Variants in CTNND2 observed in about 807,000 individuals in gnomAD.
The protein encoded by CTNND2 is catenin delta-2.
Under a neutral mutation model 144.4 loss-of-function variants are expected in CTNND2, and 22 were observed. The ratio of observed to expected loss-of-function variants is 0.15; its 90% CI spans 0.11 to 0.22. The LOEUF (loss-of-function observed/expected upper bound fraction) is 0.22. Ranked by LOEUF, CTNND2 falls within the 10% of genes least tolerant of loss-of-function variation. CTNND2 has a pLI of 1.00. For missense variants in CTNND2, 1,353 were observed against 1,618.8 expected (o/e 0.84, Z 2.82); for synonymous variants, 751 against 695.6 (o/e 1.08, Z -1.25).
intron 16 of CTNND2, among the ~76,000 whole-genome samples, chr5:11,024,149 G>A (rs982639150): frequency 1.3e-5 from 2 of 152,226 alleles, no homozygotes; most frequent in African/African-American, 4.8e-5. Context: ...GGAACCTTGT[G>A]GGAGTAGGCG....
chr5:11,704,201 C>T (rs900470239), intron 2 of CTNND2, among the ~76,000 whole-genome samples: 37 of 152,208 alleles, frequency 2.4e-4, no homozygotes, highest in African/African-American at 8.7e-4. Context: ...CTTGTTCCGG[C>T]CTGACCTCGG....
intron 12 of CTNND2, among the ~76,000 whole-genome samples, chr5:11,118,708 C>T (rs771000438): frequency 2.6e-5 from 4 of 152,280 alleles, no homozygotes; most frequent in African/African-American, 4.8e-5. Context: ...TAAGCCTGGA[C>T]GGAGTCTGGA....
chr5:11,038,592 G>T (rs1301023341), intron 16 of CTNND2, among the ~76,000 whole-genome samples: 1 of 152,136 alleles, frequency 6.6e-6, no homozygotes, highest in African/African-American at 2.4e-5. Context: ...AAAACTTGGA[G>T]CTCAGAGAGA....
intron 12 of CTNND2, among the ~76,000 whole-genome samples, chr5:11,124,535 T>C (rs1286628663): frequency 1.3e-5 from 2 of 152,206 alleles, no homozygotes; most frequent in Non-Finnish European, 2.9e-5. Flanking sequence ...AGTTAAAAAC[T>C]CTCTGTAAAG....
At chr5:11,895,269 C>T (rs184910340) in intron 1 of CTNND2, among the ~76,000 whole-genome samples, 10 of 152,234 alleles carry the variant, frequency 6.6e-5, no homozygotes, top group Admixed American at 2.0e-4. Flanking sequence ...GAAAAGCAAA[C>T]GCCAGAATTA....
chr5:11,760,473 G>C (rs922506500), intron 1 of CTNND2, among the ~76,000 whole-genome samples: 5 of 152,146 alleles, frequency 3.3e-5, no homozygotes, highest in African/African-American at 1.2e-4. Flanking sequence ...ACTGCATCAA[G>C]AATAGTTTTT....
chr5:11,091,255 C>G (rs893948401), intron 15 of CTNND2, among the ~76,000 whole-genome samples: 2 of 152,078 alleles, frequency 1.3e-5, no homozygotes, highest in Admixed American at 1.3e-4. Context: ...TGATCTTTTC[C>G]TCTGCAATGT....
At chr5:11,773,941 C>T (rs182260045) in intron 1 of CTNND2, among the ~76,000 whole-genome samples, 1 of 151,854 alleles carries the variant, frequency 6.6e-6, no homozygotes, top group East Asian at 1.9e-4. Flanking sequence ...TCAATAGAAA[C>T]TATCTTTTAA....
chr5:11,601,992 G>C (rs1779819480), intron 2 of CTNND2, among the ~76,000 whole-genome samples: 1 of 152,056 alleles, frequency 6.6e-6, no homozygotes, highest in African/African-American at 2.4e-5. Context: ...GTGGGGAAAA[G>C]TGCCCTCCTC....
At chr5:11,606,571 G>A (rs1201222000) in intron 2 of CTNND2, among the ~76,000 whole-genome samples, 3 of 152,128 alleles carry the variant, frequency 2.0e-5, no homozygotes, top group African/African-American at 4.8e-5. Context: ...TTTTGAACAC[G>A]TGAAGCTTGA....
intron 12 of CTNND2, among the ~76,000 whole-genome samples, chr5:11,137,884 C>G (rs1430900312): frequency 2.0e-5 from 3 of 152,182 alleles, no homozygotes; most frequent in Non-Finnish European, 4.4e-5. Context: ...CAAGTTACCT[C>G]TAATTTACCA....
chr5:11,851,334 A>G (rs1192257483), intron 1 of CTNND2, among the ~76,000 whole-genome samples: 1 of 152,176 alleles, frequency 6.6e-6, no homozygotes, highest in Non-Finnish European at 1.5e-5. Context: ...TCTTATTAGA[A>G]TAACATTTAA....
rs115075622 is a variant in CTNND2 at position 11,219,993 on chromosome 5, T to C, written c.1761+16698A>G. 3.8e-3 allele frequency among the ~76,000 whole-genome samples: 585 copies of C among 152,226 alleles called. 2 individuals are homozygous for C. The highest frequency in any genetic ancestry group is 0.013 in the African/African-American group (557 of 41,532). ...CAATCATTGCCAAACAGCTCCATCT[T>C]GAAAGGGGAGCTCTGTAAGACAACT... On this transcript the variant is annotated intron_variant, in intron 10 of 21. Transcript: ENST00000304623.
chr5:11,843,343 A>G (rs944232756), intron 1 of CTNND2, among the ~76,000 whole-genome samples: 2 of 152,176 alleles, frequency 1.3e-5, no homozygotes, highest in African/African-American at 4.8e-5. Flanking sequence ...CAAGAACATC[A>G]TCAGAGGGAC....
chr5:11,198,025 C>G (rs531189939), intron 11 of CTNND2, among the ~76,000 whole-genome samples: 1 of 152,284 alleles, frequency 6.6e-6, no homozygotes, highest in East Asian at 1.9e-4. Context: ...TCTTACTGCA[C>G]GGAAGCCTCC....
chr5:11,283,413 C>A (rs1235302809), intron 9 of CTNND2, among the ~76,000 whole-genome samples: 2 of 152,004 alleles, frequency 1.3e-5, no homozygotes, highest in African/African-American at 4.8e-5. Flanking sequence ...CAGTGGCTCA[C>A]ACCTGTAATC....
intron 1 of CTNND2, among the ~76,000 whole-genome samples, chr5:11,759,283 A>T (rs1789123139): frequency 6.6e-6 from 1 of 152,010 alleles, no homozygotes; most frequent in African/African-American, 2.4e-5. Flanking sequence ...AAAGAGCAAA[A>T]ATTGTTTTAT....
chr5:11,272,804 A>G (rs1746156430), intron 9 of CTNND2, among the ~76,000 whole-genome samples: 1 of 152,196 alleles, frequency 6.6e-6, no homozygotes, highest in Non-Finnish European at 1.5e-5. Context: ...TATAATTCAG[A>G]GAAAGACATT....
At chr5:10,987,538 G>A (rs981537858) in intron 20 of CTNND2, among the ~76,000 whole-genome samples, 15 of 152,164 alleles carry the variant, frequency 9.9e-5, no homozygotes, top group African/African-American at 3.4e-4. Context: ...GCTTCTTTGG[G>A]ATATGTCACG....
Sources: allele counts gnomAD v4.1 joint callset (sites outside exome capture counted in the v4.1 genomes callset), GRCh38; gene constraint gnomAD v4.1.1; transcripts MANE v1.5; gene names NCBI Gene and HGNC (gene_info 2026-07-23, HGNC 2026-07-21).